SPATA25: variants seen among roughly 807,000 people sequenced by gnomAD.
SPATA25 encodes spermatogenesis associated 25.
A neutral mutation model predicts 16.0 loss-of-function variants in SPATA25; 16 were observed. The observed-to-expected ratio is 1.00, with a 90% CI of 0.68 to 1.52. The LOEUF is 1.52. Among genes scored for constraint, SPATA25 ranks in the 40% most tolerant of loss-of-function variants. The probability of loss-of-function intolerance (pLI) is 0.00; values close to 1 mark genes in which losing one functional copy is unlikely to be tolerated. For missense variants in SPATA25, 285 were observed against 289.2 expected, an observed-to-expected ratio of 0.99 and a Z score of 0.11; for synonymous variants, 115 against 118.5, an observed-to-expected ratio of 0.97 and a Z score of 0.19.
chr20:45,889,222 G>C (rs553446872), upstream of SPATA25, among the ~76,000 whole-genome samples: 24 of 152,282 alleles, frequency 1.6e-4, no homozygotes, highest in African/African-American at 5.5e-4. Flanking sequence ...TGTGATGAGA[G>C]GTATAACTGC....
rs780009390 is a variant in SPATA25, at chr20:45,886,661, G to A, written c.540C>T (p.Ala180=). 38 of 1,613,974 alleles carry A rather than the reference G, an allele frequency of 2.4e-5. No homozygotes were observed. Among genetic ancestry groups the A allele is most frequent in the Non-Finnish European group, 2.9e-5 (34 of 1,180,034 alleles). ...GATGGGCCATCATGAAAGCTTGAGCGGCCCAGATCAGGTCCTCTTCCCGAA... is the reference window on the plus strand; with the variant it reads ...GATGGGCCATCATGAAAGCTTGAGCAGCCCAGATCAGGTCCTCTTCCCGAA... The part of the protein sequence containing the change: ...PGVREEDLIW[A]AQAFMMAHPE... The change falls in exon 2 of 2, where the codon GCC becomes GCT. Residue 180 remains alanine, a synonymous_variant. Transcript: ENST00000372519.
upstream of SPATA25, chr20:45,889,004 G>A: frequency 6.9e-6 from 7 of 1,020,938 alleles, no homozygotes; most frequent in Non-Finnish European, 7.1e-6. Flanking sequence ...TCTGGGCCCA[G>A]CCTGCTTCAT....
At chr20:45,888,647 A>G, upstream of SPATA25, 1 of 986,754 alleles carries the variant, frequency 1.0e-6, no homozygotes, top group Non-Finnish European at 1.5e-6. Flanking sequence ...AGATGTCAGC[A>G]TCGGCTGTTT....
upstream of SPATA25, chr20:45,890,924 G>T (rs1986777124): frequency 6.5e-7 from 1 of 1,537,060 alleles, no homozygotes. Context: ...GAAGCGGGTG[G>T]GAGGGGGCTC....
chr20:45,888,870 G>A (rs139661012), upstream of SPATA25: 79 of 1,614,006 alleles, frequency 4.9e-5, no homozygotes, highest in Non-Finnish European at 6.5e-5. Context: ...CTGCAGGGAT[G>A]GCACTGTGGG....
upstream of SPATA25, chr20:45,890,857 G>C: frequency 6.4e-7 from 1 of 1,569,922 alleles, no homozygotes; most frequent in Non-Finnish European, 8.6e-7. Context: ...AGCTCTCCAC[G>C]CGTGTGGCCC....
upstream of SPATA25, chr20:45,890,876 G>C (rs749100172): frequency 1.8e-5 from 29 of 1,570,246 alleles, no homozygotes; most frequent in Admixed American, 5.6e-5. Context: ...CCGCGTCCCA[G>C]AGGGGTCCAC....
chr20:45,889,547 C>T (rs747143332), upstream of SPATA25, among the ~76,000 whole-genome samples: 1 of 152,156 alleles, frequency 6.6e-6, no homozygotes, highest in East Asian at 1.9e-4. Context: ...CAGATGGGGT[C>T]TCACTTTGTT....
At chr20:45,887,690 C>A, upstream of SPATA25, 2 of 1,093,136 alleles carry the variant, frequency 1.8e-6, no homozygotes, top group Non-Finnish European at 2.7e-6. Context: ...CTCCCCTTCA[C>A]ACTTGGAATC....
upstream of SPATA25, chr20:45,888,883 G>A (rs1252149111): frequency 1.2e-6 from 2 of 1,613,936 alleles, no homozygotes; most frequent in Admixed American, 1.7e-5. Context: ...ACTGTGGGAA[G>A]AAGACTGTGA....
chr20:45,888,994 T>C (rs2145806724), upstream of SPATA25: 3 of 1,141,926 alleles, frequency 2.6e-6, no homozygotes, highest in East Asian at 5.1e-5. Flanking sequence ...CTTACTGCTC[T>C]CTGGGCCCAG....
intron 1 of SPATA25, 51 bp from the exon 2 acceptor site, chr20:45,887,196 G>A (rs1392465978): frequency 6.5e-7 from 1 of 1,531,862 alleles, no homozygotes; most frequent in East Asian, 2.3e-5. Flanking sequence ...TTTGAGGAGG[G>A]GGCCCTGAGG....
chr20:45,888,122 A>G (rs2145805601), upstream of SPATA25, among the ~76,000 whole-genome samples: 1 of 152,226 alleles, frequency 6.6e-6, no homozygotes, highest in Middle Eastern at 3.4e-3. Flanking sequence ...GGTTCATGCA[A>G]TTCTCCTGCC....
chr20:45,890,347 C>G, upstream of SPATA25: 1 of 1,613,012 alleles, frequency 6.2e-7, no homozygotes, highest in South Asian at 1.1e-5. Context: ...CCCGGGCGCT[C>G]GGGCCCATGT....
chr20:45,887,275 G>A (rs970573281), intron 1 of SPATA25, 130 bp from the exon 2 acceptor site: 3 of 1,173,444 alleles, frequency 2.6e-6, no homozygotes, highest in Non-Finnish European at 3.5e-6. Flanking sequence ...TAGAGGTTGG[G>A]AACTAGGTGT....
chr20:45,887,061 A>G lies in SPATA25; in HGVS notation c.140T>C (p.Leu47Pro). 6.2e-7 allele frequency: 1 copy of G among 1,609,116 alleles called. No homozygotes were observed. Among genetic ancestry groups the G allele is most frequent in the Non-Finnish European group, 8.5e-7 (1 of 1,179,980 alleles). Residue 47 changes from leucine (L) to proline (P), a missense_variant, in exon 2 of 2, where the codon CTG (leucine) becomes CCG (proline). Physicochemically the swap from Leu to Pro is moderately conservative, Grantham distance 98. Coordinates refer to ENST00000372519, the MANE Select transcript of SPATA25 (RefSeq NM_080608.4). The stretch of plus-strand genomic sequence containing the variant: ...TGCCACCTGCTCAGCTTTCTGGCTC[A>G]GTGGGCCTGTTCCACCAGAGGCCAC... ...VVVASGGTGP[L>P]SQKAEQVAPA...
rs1482891551 is a variant in SPATA25 at position 45,887,571 on chromosome 20, G to A, written c.20C>T (p.Pro7Leu). The A allele has an allele frequency of 6.2e-7, 1 of 1,613,844 alleles. No individual in the cohort carries two copies. Among genetic ancestry groups the A allele is most frequent in the Non-Finnish European group, 8.5e-7 (1 of 1,179,884 alleles). The stretch of plus-strand genomic sequence containing the variant: ...AGGCAGAGGACCTGGATGAGTTTGT[G>A]GAGTCCTGAAGTAGGACATGGCTTC... The part of the protein sequence containing the change: MSYFRT[P>L]QTHPGPLPSG... Residue 7 changes from proline (P) to leucine (L), a missense_variant, in exon 1 of 2, where the codon CCA becomes CTA. Coordinates refer to ENST00000372519, the MANE Select transcript of SPATA25 (RefSeq NM_080608.4).
At chr20:45,888,857 A>G (rs1165780121), upstream of SPATA25, 1 of 1,614,066 alleles carries the variant, frequency 6.2e-7, no homozygotes, top group Non-Finnish European at 8.5e-7. Context: ...GGCGGCACAG[A>G]GTCTGCAGGG....
At chr20:45,888,929 A>G (rs114064692), upstream of SPATA25, 3,439 of 1,606,188 alleles carry the variant, frequency 2.1e-3, 69 homozygotes, top group African/African-American at 0.041. Context: ...TCTGAGGCCA[A>G]GATCCAGAAG....
Sources: gnomAD v4.1 joint callset for allele counts (sites outside exome capture counted in the v4.1 genomes callset) on GRCh38, gnomAD v4.1.1 for gene constraint, MANE v1.5 for transcripts, NCBI Gene and HGNC (gene_info 2026-07-23, HGNC 2026-07-21) for gene names.